The following TMEM165 variants were observed in gnomAD, a reference collection of about 807,000 sequenced individuals.
The protein encoded by TMEM165 is transmembrane protein 165.
In TMEM165, 19 loss-of-function variants were observed where a neutral mutation model predicts 30.0. The observed-to-expected ratio is 0.63, with a 90% CI of 0.44 to 0.93. The LOEUF is 0.93. Among genes scored for constraint, TMEM165 ranks in the 40% least tolerant of loss-of-function variants. The pLI is 0.00. For missense variants in TMEM165, 340 were observed against 417.0 expected (o/e 0.82, Z 1.61); for synonymous variants, 168 against 162.9 (o/e 1.03, Z -0.24).
chr4:55,425,406 C>A lies in TMEM165; in HGVS notation c.929C>A (p.Ala310Glu), dbSNP rs75361734. Residue 310 changes from alanine (A) to glutamate (E), a missense_variant, in exon 6 of 6, where the codon GCG (alanine) becomes GAG (glutamate). Coordinates refer to ENST00000381334, the MANE Select transcript of TMEM165 (RefSeq NM_018475.5). The stretch of plus-strand genomic sequence containing the variant: ...ATCATAGGAGGCATCGTTTTTTTGG[C>A]GTTTGCATTTTCTGCACTATTTATA... ...VTIIGGIVFL[A>E]FAFSALFISP... 4 of 1,613,362 alleles carry A rather than the reference C, an allele frequency of 2.5e-6. No homozygotes were observed. Among genetic ancestry groups the A allele is most frequent in the Non-Finnish European group, 3.4e-6 (4 of 1,179,740 alleles).
intron 1 of TMEM165, among the ~76,000 whole-genome samples, chr4:55,400,258 A>AT (rs1553884914): frequency 3.1e-5 from 1 of 31,850 alleles, no homozygotes; most frequent in African/African-American, 9.6e-5. Context: ...ATATTATATT[A>AT]ATATATAATA....
intron 3 of TMEM165, chr4:55,442,575 C>G (rs1723458844): frequency 5.0e-6 from 8 of 1,612,106 alleles, no homozygotes; most frequent in Non-Finnish European, 5.9e-6. Context: ...TAAGAGTGCT[C>G]TGTGTCTGAC....
At chr4:55,400,262 T>C (rs1281919103) in intron 1 of TMEM165, among the ~76,000 whole-genome samples, 2 of 89,572 alleles carry the variant, frequency 2.2e-5, no homozygotes, top group Non-Finnish European at 4.2e-5. Context: ...TATATTAATA[T>C]ATAATATATA....
chr4:55,404,465 G>A (rs1721189248), intron 1 of TMEM165, among the ~76,000 whole-genome samples: 2 of 151,780 alleles, frequency 1.3e-5, no homozygotes, highest in East Asian at 1.9e-4. Context: ...TTGCTCTGTC[G>A]CCCTGGCTGG....
intron 3 of TMEM165, chr4:55,442,179 T>G: frequency 4.3e-6 from 2 of 465,336 alleles, no homozygotes; most frequent in East Asian, 4.0e-5. Flanking sequence ...TCTAACAGTG[T>G]GCTGCAGAAT....
In TMEM165 at chr4:55,445,582, CTTTTTTTTTTTT is replaced by C. The variant is rs56157186; in HGVS notation, c.409-6642_409-6631del. Among the ~76,000 whole-genome samples the C allele has an allele frequency of 8.0e-4, 55 of 68,594 alleles. 3 individuals carry two copies. The East Asian group carries it at 0.015, about 19-fold the overall frequency. 45.0% of individuals were successfully genotyped at this position (68,594 alleles called of 152,430 possible). A position where few individuals can be genotyped will look rare whatever the true frequency, so the allele number is the denominator to read the frequency against. ...TCTCTGCATCTGCTATTTCTATATT[CTTTTTTTTTTTT>C]TTTTTTTTTTTTTTGAGACAGGATC... is the stretch of plus-strand genomic sequence containing the variant. On this transcript the variant is annotated intron_variant, in intron 3 of 3. Coordinates refer to the TMEM165 transcript ENST00000608091.
intron 1 of TMEM165, among the ~76,000 whole-genome samples, chr4:55,396,644 C>CA (rs1720742578): frequency 6.6e-6 from 1 of 152,286 alleles, no homozygotes; most frequent in South Asian, 2.1e-4. Flanking sequence ...TCCGGAGGGC[C>CA]AAGATGCTGC....
At chr4:55,427,731 T>G (rs1722288861), downstream of TMEM165, among the ~76,000 whole-genome samples, 2 of 152,196 alleles carry the variant, frequency 1.3e-5, no homozygotes. Context: ...GGTAGCTTGG[T>G]CCCATTACTA....
intron 1 of TMEM165, 137 bp from the exon 2 acceptor site, chr4:55,411,477 C>G: frequency 1.3e-6 from 1 of 748,010 alleles, no homozygotes; most frequent in Non-Finnish European, 2.2e-6. Flanking sequence ...TTACTGATGG[C>G]TTTCAGAGTG....
chr4:55,417,744 T>A, intron 3 of TMEM165, 59 bp from the exon 4 acceptor site: 1 of 1,336,036 alleles, frequency 7.5e-7, no homozygotes, highest in Non-Finnish European at 1.0e-6. Context: ...TCAAGTGATT[T>A]GTGTGCTATT....
In TMEM165 at chr4:55,412,393, C is replaced by CAAAAAAAAAAAAAAAAAAAAAAAA. The variant is rs371124857; in HGVS notation, c.433+555_433+578dup. On this transcript the variant is annotated intron_variant, in intron 2 of 5. Coordinates refer to ENST00000381334, the MANE Select transcript of TMEM165 (RefSeq NM_018475.5). ...TGGGTGATAGAGTGAGACTCCATCT[C>CAAAAAAAAAAAAAAAAAAAAAAAA]AAAAAAAAAAAAAAAAAAAAAAAAG... Among the ~76,000 whole-genome samples the CAAAAAAAAAAAAAAAAAAAAAAAA allele has an allele frequency of 3.7e-5, 2 of 54,366 alleles. 1 individual carries two copies. The highest frequency in any genetic ancestry group is 6.2e-5 in the Non-Finnish European group (2 of 32,296). 35.7% of individuals were successfully genotyped at this position (54,366 alleles called of 152,430 possible).
At position 55,411,803 on chromosome 4, in the gene TMEM165, G is replaced by T; in HGVS notation, c.397G>T (p.Ala133Ser). 6.2e-7 allele frequency: 1 copy of T among 1,614,206 alleles called. No individual in the cohort carries two copies. ...RYNRLTVLAG[A>S]MLALGLMTCL... The stretch of plus-strand genomic sequence containing the variant: ...TAACCGCCTGACCGTGCTGGCTGGT[G>T]CAATGCTTGCCTTGGGACTAATGAC... The change falls in exon 2 of 6, where the codon GCA (alanine) becomes TCA (serine). Residue 133 changes from alanine to serine, a missense_variant. Transcript: ENST00000381334.
chr4:55,397,839 TC>T (rs1396600481), intron 1 of TMEM165, among the ~76,000 whole-genome samples: 3 of 151,954 alleles, frequency 2.0e-5, no homozygotes, highest in African/African-American at 7.3e-5. Flanking sequence ...CTCTAATTGA[TC>T]CTCCCACCTC....
Position 55,396,377 on chromosome 4 carries a change from C to T in TMEM165, c.188C>T (p.Pro63Leu). Residue 63 changes from proline (P) to leucine (L), a missense_variant, in exon 1 of 6, where the codon CCC (proline) becomes CTC (leucine). By Grantham distance (98) the Pro-to-Leu change is moderately conservative. This residue lies in a region of TMEM165 where 120 missense variants were observed against 109.4 expected (regional missense o/e 1.10). Coordinates refer to ENST00000381334, the MANE Select transcript of TMEM165 (RefSeq NM_018475.5). ...LQPQPVAVQG[P>L]EPARVEKIFT... The stretch of plus-strand genomic sequence containing the variant: ...CCGCAGCCTGTGGCTGTGCAGGGCC[C>T]CGAGCCGGCCCGGGTCGAGGTGAGC... 1 of 1,495,138 alleles carries T rather than the reference C, an allele frequency of 6.7e-7. No individual in the cohort carries two copies. The highest frequency in any genetic ancestry group is 8.9e-7 in the Non-Finnish European group (1 of 1,127,804). 92.6% of individuals were successfully genotyped at this position (1,495,138 alleles called of 1,614,324 possible). A position where few individuals can be genotyped will look rare whatever the true frequency, so the allele number is the denominator to read the frequency against.
At chr4:55,438,575 G>A in intron 3 of TMEM165, 2 of 1,611,986 alleles carry the variant, frequency 1.2e-6, no homozygotes, top group South Asian at 2.2e-5. Context: ...GGAGTCCAAA[G>A]TACAAGGTAT....
intron 1 of TMEM165, among the ~76,000 whole-genome samples, chr4:55,398,634 AC>A (rs1720826752): frequency 6.6e-6 from 1 of 152,118 alleles, no homozygotes; most frequent in Non-Finnish European, 1.5e-5. Flanking sequence ...GTTTACACAC[AC>A]ATCTTGCTGC....
intron 3 of TMEM165, among the ~76,000 whole-genome samples, chr4:55,442,912 C>T (rs1222169188): frequency 1.3e-5 from 2 of 152,006 alleles, no homozygotes; most frequent in Non-Finnish European, 2.9e-5. Flanking sequence ...CTGTTAAATG[C>T]CCAAAGTGAA....
chr4:55,444,817 T>C (rs559658226), intron 3 of TMEM165: 4 of 1,604,060 alleles, frequency 2.5e-6, no homozygotes, highest in Non-Finnish European at 3.4e-6. Flanking sequence ...AAGTGTAATA[T>C]ATTTTAGAAT....
At chr4:55,433,198 C>G (rs914723438) in intron 3 of TMEM165, 2 of 152,618 alleles carry the variant, frequency 1.3e-5, no homozygotes, top group Non-Finnish European at 2.9e-5. Context: ...TGTACATATG[C>G]TCAGGTACAT....
Sources: gnomAD v4.1 joint callset for allele counts (sites outside exome capture counted in the v4.1 genomes callset) on GRCh38, gnomAD v4.1.1 for gene constraint, gnomAD v4.1.1 regional missense constraint, MANE v1.5 for transcripts, NCBI Gene and HGNC (gene_info 2026-07-23, HGNC 2026-07-21) for gene names.